Variants in ATRN observed in about 807,000 individuals in gnomAD.
The protein encoded by ATRN is attractin.
In ATRN, 54 loss-of-function variants were observed where a neutral mutation model predicts 178.7. The observed-to-expected ratio is 0.30, with a 90% confidence interval of 0.24 to 0.38. The LOEUF (loss-of-function observed/expected upper bound fraction) is 0.38. Ranked by LOEUF, ATRN falls within the 10% of genes least tolerant of loss-of-function variation. The probability of loss-of-function intolerance (pLI) is 1.00; values close to 1 mark genes in which losing one functional copy is unlikely to be tolerated. For missense variants in ATRN, 1,443 were observed against 1,815.1 expected (o/e 0.79, Z 3.73); for synonymous variants, 636 against 663.0 (o/e 0.96, Z 0.63).
At chr20:3,550,977 G>C (rs534030773) in intron 6 of ATRN, among the ~76,000 whole-genome samples, 1 of 152,202 alleles carries the variant, frequency 6.6e-6, no homozygotes, top group South Asian at 2.1e-4. Flanking sequence ...ATTTCTAAAC[G>C]TTCCACATTC....
intron 6 of ATRN, among the ~76,000 whole-genome samples, chr20:3,554,878 TAA>T (rs928095259): frequency 2.0e-5 from 3 of 148,840 alleles, no homozygotes; most frequent in Admixed American, 2.0e-4. Flanking sequence ...TTTTTAAGTT[TAA>T]AAAAAAATAG....
chr20:3,534,602 G>A (rs553829623), intron 1 of ATRN, among the ~76,000 whole-genome samples: 1 of 152,206 alleles, frequency 6.6e-6, no homozygotes, highest in South Asian at 2.1e-4. Context: ...TAATGAAAGA[G>A]GGAAGAAAAA....
chr20:3,548,402 C>T (rs1287717274), intron 5 of ATRN, among the ~76,000 whole-genome samples: 1 of 152,044 alleles, frequency 6.6e-6, no homozygotes, highest in Non-Finnish European at 1.5e-5. Flanking sequence ...GAGTTCGAGA[C>T]CAGCTTGGCC....
chr20:3,616,949 G>A (rs16988756), intron 24 of ATRN, among the ~76,000 whole-genome samples: 95,242 of 151,738 alleles, frequency 0.63, 30,563 homozygotes, highest in East Asian at 0.98. Context: ...GGCAAGGATC[G>A]CATTTTTATC....
chr20:3,473,813 TA>T (rs1012747400), intron 1 of ATRN, among the ~76,000 whole-genome samples: 7 of 152,032 alleles, frequency 4.6e-5, no homozygotes, highest in African/African-American at 1.7e-4. Context: ...GCATGAGAGA[TA>T]GGGGGCAGCT....
intron 1 of ATRN, chr20:3,489,495 G>A: frequency 8.4e-7 from 1 of 1,186,114 alleles, no homozygotes; most frequent in Admixed American, 1.7e-5. Flanking sequence ...GGGAAGCCTG[G>A]GCTAGCCCAA....
At chr20:3,516,322 A>G (rs1482360117) in intron 1 of ATRN, among the ~76,000 whole-genome samples, 2 of 152,130 alleles carry the variant, frequency 1.3e-5, no homozygotes, top group Non-Finnish European at 2.9e-5. Context: ...GCTTGTTGGT[A>G]TATAAGAGTA....
chr20:3,573,051 T>A, intron 12 of ATRN, 100 bp downstream of exon 12: 1 of 1,020,016 alleles, frequency 9.8e-7, no homozygotes, highest in Admixed American at 2.5e-5. Context: ...TATGTTTACC[T>A]TATCCAAAAT....
intron 1 of ATRN, among the ~76,000 whole-genome samples, chr20:3,509,551 G>A (rs1347940432): frequency 6.7e-6 from 1 of 150,150 alleles, no homozygotes; most frequent in Non-Finnish European, 1.5e-5. Flanking sequence ...AGGCTGGAGT[G>A]CAGTGGTGTG....
intron 1 of ATRN, among the ~76,000 whole-genome samples, chr20:3,483,194 A>G (rs145814181): frequency 5.0e-4 from 76 of 152,286 alleles, no homozygotes; most frequent in Non-Finnish European, 1.8e-4. Context: ...TAATCTTGAG[A>G]TGAGATATGC....
intron 3 of ATRN, among the ~76,000 whole-genome samples, chr20:3,544,919 C>T (rs1342956108): frequency 6.6e-6 from 1 of 151,070 alleles, no homozygotes; most frequent in Non-Finnish European, 1.5e-5. Flanking sequence ...ACCTAGGGAG[C>T]TTTTAATGAT....
intron 24 of ATRN, among the ~76,000 whole-genome samples, chr20:3,613,447 G>A (rs1014338257): frequency 4.6e-5 from 7 of 152,094 alleles, no homozygotes; most frequent in African/African-American, 1.2e-4. Flanking sequence ...TCTCAACAAG[G>A]GCTGCATGTT....
intron 3 of ATRN, among the ~76,000 whole-genome samples, chr20:3,544,528 A>G (rs2085670541): frequency 6.6e-6 from 1 of 151,994 alleles, no homozygotes; most frequent in South Asian, 2.1e-4. Context: ...GTGGTGAATC[A>G]ATAATGGGGC....
At chr20:3,538,203 A>G (rs1483264614) in intron 2 of ATRN, among the ~76,000 whole-genome samples, 2 of 150,830 alleles carry the variant, frequency 1.3e-5, no homozygotes. Context: ...TTAACTGCTT[A>G]ATCAAGATAT....
chr20:3,507,618 A>G (rs968220796), intron 1 of ATRN, among the ~76,000 whole-genome samples: 1 of 152,124 alleles, frequency 6.6e-6, no homozygotes, highest in African/African-American at 2.4e-5. Flanking sequence ...CAGGAAATGC[A>G]ACAAACACCA....
In ATRN at chr20:3,547,269, C is replaced by A; in HGVS notation, c.738-15C>A. 1 of 1,598,372 alleles carries A rather than the reference C, an allele frequency of 6.3e-7. No homozygotes were observed. The highest frequency in any genetic ancestry group is 1.1e-5 in the South Asian group (1 of 90,656). ...TTGCGTTGTGTTAATGTAATTTTCC[C>A]TGCTATTTTTACAGTTTTGATATGT... is the stretch of plus-strand genomic sequence containing the variant. On this transcript the variant is annotated splice_polypyrimidine_tract_variant and intron_variant, in intron 4 of 28. Transcript: ENST00000262919.
rs749206245 is a variant in ATRN, at chr20:3,540,316, C to A, written c.589C>A (p.Pro197Thr). Reference sequence around the variant, plus strand: ...TTATGATGGGGACTCAATTTATGCACCGCTAGTTGCTGCATTTAGGTAAGC... The same window carrying A: ...TTATGATGGGGACTCAATTTATGCAACGCTAGTTGCTGCATTTAGGTAAGC... ...YVYDGDSIYA[P>T]LVAAFSGLIV... The change falls in exon 3 of 29, where the codon CCG (proline) becomes ACG (threonine). Residue 197 changes from proline (P) to threonine (T), a missense_variant. Transcript: ENST00000262919. 6.2e-7 allele frequency: 1 copy of A among 1,603,758 alleles called. No individual in the cohort carries two copies. The highest frequency in any genetic ancestry group is 1.7e-4 in the Middle Eastern group (1 of 6,032).
chr20:3,525,554 G>C (rs564325878), intron 1 of ATRN, among the ~76,000 whole-genome samples: 1 of 152,154 alleles, frequency 6.6e-6, no homozygotes, highest in East Asian at 1.9e-4. Flanking sequence ...ATTTGATGAG[G>C]CCAGCATCAT....
At chr20:3,522,763 C>A (rs1054074316) in intron 1 of ATRN, among the ~76,000 whole-genome samples, 1 of 152,122 alleles carries the variant, frequency 6.6e-6, no homozygotes, top group East Asian at 1.9e-4. Context: ...AGTGGTGATA[C>A]CCAGGCAAAT....
Sources: allele counts gnomAD v4.1 joint callset (sites outside exome capture counted in the v4.1 genomes callset), GRCh38; gene constraint gnomAD v4.1.1; transcripts MANE v1.5; gene names NCBI Gene and HGNC (gene_info 2026-07-23, HGNC 2026-07-21).